The following CEP63 variants were observed in gnomAD, a reference collection of about 807,000 sequenced individuals.
CEP63 encodes the protein centrosomal protein 63.
A neutral mutation model predicts 89.1 loss-of-function variants in CEP63; 84 were observed. The ratio of observed to expected loss-of-function variants is 0.94; its 90% CI spans 0.79 to 1.13. The LOEUF is 1.13. CEP63 is among the 50% of genes most tolerant of loss of function. The pLI is 0.00. For synonymous variants in CEP63, 267 were observed against 272.5 expected, an observed-to-expected ratio of 0.98 and a Z score of 0.20; for missense variants, 838 against 813.3, an observed-to-expected ratio of 1.03 and a Z score of -0.37.
At chr3:134,501,921 A>G (rs896932680) in intron 2 of CEP63, among the ~76,000 whole-genome samples, 4 of 152,170 alleles carry the variant, frequency 2.6e-5, no homozygotes, top group Non-Finnish European at 4.4e-5. Flanking sequence ...GTCAAGGGGA[A>G]TGCTTTTAAC....
chr3:134,615,683 G>T, the CEP63 span, among the ~76,000 whole-genome samples: 1 of 150,408 alleles, frequency 6.6e-6, no homozygotes, highest in African/African-American at 2.5e-5. Flanking sequence ...GAGCTAAGAT[G>T]TCCCTTTCAG....
At chr3:134,744,243 T>C in the CEP63 span, among the ~76,000 whole-genome samples, 1 of 151,790 alleles carries the variant, frequency 6.6e-6, no homozygotes, top group African/African-American at 2.4e-5. Context: ...AAAAGAAAAA[T>C]CACATTAATA....
chr3:134,777,195 C>T, the CEP63 span, among the ~76,000 whole-genome samples: 1 of 152,162 alleles, frequency 6.6e-6, no homozygotes, highest in African/African-American at 2.4e-5. Context: ...TGGATTTTAC[C>T]ATTAATAAAG....
At chr3:134,619,235 T>C in the CEP63 span, 1 of 1,613,920 alleles carries the variant, frequency 6.2e-7, no homozygotes, top group Non-Finnish European at 8.5e-7. Flanking sequence ...GGCTTGGCGG[T>C]CCTTCTCCTG....
the CEP63 span, among the ~76,000 whole-genome samples, chr3:134,695,175 T>C: frequency 6.6e-6 from 1 of 152,108 alleles, no homozygotes; most frequent in Non-Finnish European, 1.5e-5. Flanking sequence ...GCGGGTGTCA[T>C]TGCAAAGTCA....
the CEP63 span, among the ~76,000 whole-genome samples, chr3:134,768,231 T>A: frequency 6.6e-6 from 1 of 152,128 alleles, no homozygotes; most frequent in Non-Finnish European, 1.5e-5. Context: ...GACAGATTCC[T>A]CGAGTGGCTG....
At chr3:134,487,490 TC>T in intron 1 of CEP63, among the ~76,000 whole-genome samples, 1 of 152,356 alleles carries the variant, frequency 6.6e-6, no homozygotes, top group Middle Eastern at 3.4e-3. Flanking sequence ...CTTTGCTTAG[TC>T]CTTTCTGTTC....
chr3:134,763,065 T>G, the CEP63 span, among the ~76,000 whole-genome samples: 1 of 151,250 alleles, frequency 6.6e-6, no homozygotes, highest in East Asian at 1.9e-4. Context: ...TGGCATCATA[T>G]TTTTTTTTCT....
intron 3 of CEP63, among the ~76,000 whole-genome samples, chr3:134,521,252 T>G (rs765134520): frequency 6.6e-6 from 1 of 152,134 alleles, no homozygotes; most frequent in Non-Finnish European, 1.5e-5. Flanking sequence ...GGCTAAAAGT[T>G]AAAAGACTAA....
the CEP63 span, among the ~76,000 whole-genome samples, chr3:134,718,578 C>G: frequency 6.6e-6 from 1 of 152,214 alleles, no homozygotes; most frequent in Non-Finnish European, 1.5e-5. Context: ...TCCACATTCT[C>G]TTTTAAAGGA....
the CEP63 span, among the ~76,000 whole-genome samples, chr3:134,629,042 C>T: frequency 6.6e-6 from 1 of 152,204 alleles, no homozygotes; most frequent in Non-Finnish European, 1.5e-5. Context: ...TGCACAGATG[C>T]AGGGAGAGGA....
rs534945067 is a variant in CEP63 at position 134,558,251 on chromosome 3, A to T, written c.1577A>T (p.Gln526Leu). 2 of 1,612,720 alleles carry T rather than the reference A, an allele frequency of 1.2e-6. No homozygotes were observed. Residue 526 changes from glutamine to leucine, a missense_variant, in exon 13 of 15, where the codon CAG (glutamine) becomes CTG (leucine). Coordinates refer to ENST00000675561, the MANE Select transcript of CEP63 (RefSeq NM_001353108.3). ...AAAGATTTGATGAATACCAAATCTC[A>T]GCTGGAGATTTCTACTCAGATGTGC... The part of the protein sequence containing the change: ...LQKDLMNTKS[Q>L]LEISTQMCKK...
chr3:134,488,924 G>C lies in CEP63; in HGVS notation c.-26+2722G>C, dbSNP rs553468136. On this transcript the variant is annotated intron_variant, in intron 1 of 14. Transcript: ENST00000675561. ...TGTAATCCCAGCACTTTGGGAGGCTGAGGTGGGTGGATCACGAGGTCAGGA... is the reference window on the plus strand; with the variant it reads ...TGTAATCCCAGCACTTTGGGAGGCTCAGGTGGGTGGATCACGAGGTCAGGA... Among the ~76,000 whole-genome samples the C allele has an allele frequency of 3.9e-5, 6 of 152,232 alleles. No individual in the cohort carries two copies. The South Asian group carries it at 1.2e-3, about 32-fold the overall frequency.
downstream of CEP63, among the ~76,000 whole-genome samples, chr3:134,575,981 C>G (rs565998100): frequency 2.6e-5 from 4 of 152,278 alleles, no homozygotes; most frequent in African/African-American, 9.6e-5. Context: ...TTTCTTAATA[C>G]TTGCATTTTA....
In CEP63 at chr3:134,564,955, T is replaced by G; in HGVS notation, c.*3420T>G. On this transcript the variant is annotated 3_prime_UTR_variant, in exon 15 of 15. Transcript: ENST00000675561. ...TGGGTTGTCCAAATTTGTCAGAACA[T>G]TTGACTGTAATTTAATGTCTCACCA... 2 of 980,438 alleles carry G rather than the reference T, an allele frequency of 2.0e-6. No homozygotes were observed. Among genetic ancestry groups the G allele is most frequent in the Non-Finnish European group, 2.4e-6 (2 of 825,372 alleles). The allele number at this position is 980,438 out of a possible 1,614,324, so 60.7% of individuals were successfully genotyped here.
At chr3:134,619,068 G>T in the CEP63 span, 1 of 1,193,264 alleles carries the variant, frequency 8.4e-7, no homozygotes, top group Non-Finnish European at 1.2e-6. Flanking sequence ...GGCCTGGCAT[G>T]TGGGCAAAGG....
intron 14 of CEP63, among the ~76,000 whole-genome samples, chr3:134,560,400 C>T (rs771110881): frequency 2.0e-5 from 3 of 152,210 alleles, no homozygotes; most frequent in African/African-American, 4.8e-5. Flanking sequence ...CACAGTAATT[C>T]GTGGACATAT....
chr3:134,738,249 T>TACAC, the CEP63 span, among the ~76,000 whole-genome samples: 14,067 of 145,460 alleles, frequency 0.097, 718 homozygotes, highest in African/African-American at 0.12. Context: ...TATTCCATCA[T>TACAC]ACACACACAC....
At chr3:134,551,892 T>C (rs761284814) in intron 11 of CEP63, 34 bp from the exon 12 acceptor site, 2 of 1,443,966 alleles carry the variant, frequency 1.4e-6, no homozygotes, top group Non-Finnish European at 1.9e-6. Flanking sequence ...GATTTACATG[T>C]TATATTTATT....
Sources: gnomAD v4.1 joint callset for allele counts (sites outside exome capture counted in the v4.1 genomes callset) on GRCh38, gnomAD v4.1.1 for gene constraint, MANE v1.5 for transcripts, NCBI Gene and HGNC (gene_info 2026-07-23, HGNC 2026-07-21) for gene names.